Variants in PDE3A observed in about 807,000 individuals in gnomAD.
PDE3A encodes phosphodiesterase 3A.
In PDE3A, 43 loss-of-function variants were observed where a neutral mutation model predicts 98.3. That is an observed-to-expected ratio of 0.44 (90% CI 0.34 to 0.56). The LOEUF (loss-of-function observed/expected upper bound fraction) is 0.56. Among genes scored for constraint, PDE3A ranks in the 20% least tolerant of loss-of-function variants. The pLI, the probability that PDE3A is intolerant of heterozygous loss-of-function variation, is 0.01. For synonymous variants in PDE3A, 663 were observed against 567.9 expected (o/e 1.17, Z -2.38); for missense variants, 1,427 against 1,440.7 (o/e 0.99, Z 0.15).
intron 1 of PDE3A, among the ~76,000 whole-genome samples, chr12:20,487,233 A>T: frequency 6.6e-6 from 1 of 152,122 alleles, no homozygotes; most frequent in Non-Finnish European, 1.5e-5. Context: ...TACAAATATG[A>T]ATGAATGTAT....
At chr12:20,383,328 C>T (rs1288981506) in intron 1 of PDE3A, among the ~76,000 whole-genome samples, 2 of 151,820 alleles carry the variant, frequency 1.3e-5, no homozygotes, top group Non-Finnish European at 2.9e-5. Context: ...CAGTCATTCC[C>T]AACCCTTTTC....
At position 20,687,251 on chromosome 12, in the gene PDE3A, C is replaced by T. The variant is rs1945991762; in HGVS notation, c.*6980C>T. Among the ~76,000 whole-genome samples, 1 of 151,726 alleles carries T rather than the reference C, an allele frequency of 6.6e-6. No individual in the cohort carries two copies. Among genetic ancestry groups the T allele is most frequent in the Non-Finnish European group, 1.5e-5 (1 of 67,904 alleles). Reference sequence around the variant, plus strand: ...CTTGTCCCTTTTCTTTTTAAAATTCCCAACTGATTATGGGTCAAAAACTCC... The same window carrying T: ...CTTGTCCCTTTTCTTTTTAAAATTCTCAACTGATTATGGGTCAAAAACTCC... On this transcript the variant is annotated 3_prime_UTR_variant, in exon 16 of 16. Coordinates refer to ENST00000359062, the MANE Select transcript of PDE3A (RefSeq NM_000921.5).
At chr12:20,374,083 G>C (rs1389522359) in intron 1 of PDE3A, among the ~76,000 whole-genome samples, 1 of 152,062 alleles carries the variant, frequency 6.6e-6, no homozygotes, top group East Asian at 1.9e-4. Context: ...GTGATTCAAA[G>C]AGCAATATTG....
At chr12:20,652,974 A>T (rs1327402745) in intron 14 of PDE3A, among the ~76,000 whole-genome samples, 1 of 152,200 alleles carries the variant, frequency 6.6e-6, no homozygotes, top group Non-Finnish European at 1.5e-5. Context: ...ATTAATTCAT[A>T]AATCTCGAAA....
chr12:20,598,552 G>T (rs547305865), intron 2 of PDE3A, among the ~76,000 whole-genome samples: 1 of 152,160 alleles, frequency 6.6e-6, no homozygotes, highest in South Asian at 2.1e-4. Context: ...GAAATCACCC[G>T]CCCCCTCAAA....
chr12:20,612,950 T>TATC (rs1943906433), intron 2 of PDE3A, among the ~76,000 whole-genome samples: 1 of 151,990 alleles, frequency 6.6e-6, no homozygotes, highest in South Asian at 2.1e-4. Context: ...TTTTTGTGTC[T>TATC]ATCTCGAATA....
At chr12:20,556,766 G>C (rs970840203) in intron 2 of PDE3A, 56 bp downstream of exon 2, 80 of 1,253,252 alleles carry the variant, frequency 6.4e-5, no homozygotes, top group Non-Finnish European at 9.2e-5. Context: ...TTTCAGCCAC[G>C]GGTTTTCTAA....
At chr12:20,569,096 T>C (rs1026299866) in intron 2 of PDE3A, among the ~76,000 whole-genome samples, 3 of 152,064 alleles carry the variant, frequency 2.0e-5, no homozygotes, top group African/African-American at 7.2e-5. Context: ...AAAAATAAAA[T>C]CATTATCTTT....
chr12:20,570,742 C>G (rs1942785047), intron 2 of PDE3A, among the ~76,000 whole-genome samples: 1 of 152,118 alleles, frequency 6.6e-6, no homozygotes, highest in East Asian at 1.9e-4. Flanking sequence ...TATTGTGTGT[C>G]TCAGTGTACC....
At chr12:20,463,030 C>T (rs903433165) in intron 1 of PDE3A, among the ~76,000 whole-genome samples, 5 of 151,996 alleles carry the variant, frequency 3.3e-5, no homozygotes, top group Non-Finnish European at 5.9e-5. Context: ...TCTTGGCCCC[C>T]GCAAAGTGCT....
At chr12:20,423,715 T>G (rs1000547389) in intron 1 of PDE3A, among the ~76,000 whole-genome samples, 3 of 152,144 alleles carry the variant, frequency 2.0e-5, no homozygotes, top group Non-Finnish European at 2.9e-5. Context: ...CCGTGCCTCC[T>G]CTTAACAGTT....
chr12:20,443,553 G>T (rs957724043), intron 1 of PDE3A, among the ~76,000 whole-genome samples: 2 of 151,958 alleles, frequency 1.3e-5, no homozygotes, highest in African/African-American at 2.4e-5. Context: ...TCATTTTTTT[G>T]ACTAGCTTTT....
At chr12:20,442,765 TA>T (rs1293450963) in intron 1 of PDE3A, among the ~76,000 whole-genome samples, 1 of 152,232 alleles carries the variant, frequency 6.6e-6, no homozygotes, top group Admixed American at 6.5e-5. Flanking sequence ...TTGTATCTTT[TA>T]AAATCATTAT....
intron 2 of PDE3A, among the ~76,000 whole-genome samples, chr12:20,557,664 C>T (rs10743378): frequency 0.87 from 132,658 of 152,234 alleles, 57,837 homozygotes; most frequent in African/African-American, 0.88. Context: ...AATAACTCTA[C>T]TTAATTCCGG....
intron 1 of PDE3A, among the ~76,000 whole-genome samples, chr12:20,410,509 A>G (rs1360379802): frequency 6.6e-6 from 1 of 152,152 alleles, no homozygotes; most frequent in Non-Finnish European, 1.5e-5. Flanking sequence ...TCCTGAAGCT[A>G]CACCGTGATC....
At chr12:20,405,772 A>G (rs1944221625) in intron 1 of PDE3A, among the ~76,000 whole-genome samples, 1 of 152,146 alleles carries the variant, frequency 6.6e-6, no homozygotes, top group South Asian at 2.1e-4. Flanking sequence ...TCTCTTAGCA[A>G]ACTTTGAGTA....
chr12:20,624,505 G>T (rs1565453775), intron 5 of PDE3A, among the ~76,000 whole-genome samples: 1 of 152,098 alleles, frequency 6.6e-6, no homozygotes, highest in African/African-American at 2.4e-5. Context: ...GATACCACAT[G>T]GGCAGGTGGT....
chr12:20,512,458 G>A (rs139322578), intron 1 of PDE3A, among the ~76,000 whole-genome samples: 112 of 152,188 alleles, frequency 7.4e-4, no homozygotes, highest in Non-Finnish European at 1.4e-3. Flanking sequence ...ATGCCCCTTT[G>A]TAGAGGCCAC....
rs746358201 is a variant in PDE3A at position 20,369,852 on chromosome 12, G to A, written c.568G>A (p.Ala190Thr). The A allele has an allele frequency of 6.2e-7, 1 of 1,612,104 alleles. No individual in the cohort carries two copies. The highest frequency in any genetic ancestry group is 1.7e-5 in the Admixed American group (1 of 59,942). Reference sequence around the variant, plus strand: ...GGAGGATCACTTACTCTCACTCCCCGCCGCGGGGGTGGTGCTCAGCTGCTT... The same window carrying A: ...GGAGGATCACTTACTCTCACTCCCCACCGCGGGGGTGGTGCTCAGCTGCTT... The part of the protein sequence containing the change: ...VGEDHLLSLP[A>T]AGVVLSCLAA... The change falls in exon 1 of 16, where the codon GCC (alanine) becomes ACC (threonine). Residue 190 changes from alanine (A) to threonine (T), a missense_variant. Ala to Thr is a moderately conservative substitution (Grantham distance 58). Around this residue, in one of 3 missense-constraint regions of PDE3A, gnomAD observed 1,012 missense variants for 886.5 expected, o/e 1.14. Transcript: ENST00000359062.
Sources: gnomAD v4.1 joint callset for allele counts (sites outside exome capture counted in the v4.1 genomes callset) on GRCh38, gnomAD v4.1.1 for gene constraint, gnomAD v4.1.1 regional missense constraint, MANE v1.5 for transcripts, NCBI Gene and HGNC (gene_info 2026-07-23, HGNC 2026-07-21) for gene names.